LRRTM4: variants seen among roughly 807,000 people sequenced by gnomAD.
LRRTM4 encodes leucine-rich repeat transmembrane neuronal protein 4.
In LRRTM4, 25 loss-of-function variants were observed where a neutral mutation model predicts 47.6. The observed-to-expected ratio is 0.53, with a 90% confidence interval of 0.38 to 0.73. The LOEUF (loss-of-function observed/expected upper bound fraction) is 0.73, where lower values mean the gene tolerates loss of function less well. Among genes scored for constraint, LRRTM4 ranks in the 30% least tolerant of loss-of-function variants. LRRTM4 has a pLI of 0.00. For missense variants in LRRTM4, 638 were observed against 713.4 expected (o/e 0.89, Z 1.20); for synonymous variants, 311 against 269.5 (o/e 1.15, Z -1.51).
chr2:76,795,190 C>T (rs1329792684), intron 3 of LRRTM4, among the ~76,000 whole-genome samples: 18 of 151,654 alleles, frequency 1.2e-4, no homozygotes, highest in South Asian at 4.2e-4. Context: ...AAAAGGTGCC[C>T]GAATCCACAA....
At chr2:76,810,331 C>A (rs1400309603) in intron 3 of LRRTM4, among the ~76,000 whole-genome samples, 1 of 152,084 alleles carries the variant, frequency 6.6e-6, no homozygotes, top group African/African-American at 2.4e-5. Context: ...TCCTCAATAA[C>A]AGATTTTTCT....
At chr2:76,758,006 C>A (rs1407679593) in intron 3 of LRRTM4, among the ~76,000 whole-genome samples, 2 of 152,162 alleles carry the variant, frequency 1.3e-5, no homozygotes, top group South Asian at 4.1e-4. Context: ...GTTTTCCATT[C>A]AAGTTCACTT....
chr2:77,494,975 C>T (rs1245613370), intron 3 of LRRTM4, among the ~76,000 whole-genome samples: 1 of 152,106 alleles, frequency 6.6e-6, no homozygotes, highest in Non-Finnish European at 1.5e-5. Flanking sequence ...GTGATATCAA[C>T]AGTGTGTTTC....
chr2:77,522,315 C>G lies in LRRTM4; in HGVS notation c.-354G>C. 1.9e-6 allele frequency: 1 copy of G among 523,184 alleles called. No homozygotes were observed. Among genetic ancestry groups the G allele is most frequent in the Non-Finnish European group, 3.4e-6 (1 of 293,986 alleles). 32.4% of individuals were successfully genotyped at this position (523,184 alleles called of 1,614,324 possible). A position where few individuals can be genotyped will look rare whatever the true frequency, so the allele number is the denominator to read the frequency against. ...GGCAGCCCTTGTCTAATTCAGAAGGCTTTCCAGAGACTGATGATGCTCAGA... is the reference window on the plus strand; with the variant it reads ...GGCAGCCCTTGTCTAATTCAGAAGGGTTTCCAGAGACTGATGATGCTCAGA... On this transcript the variant is annotated 5_prime_UTR_variant, in exon 1 of 4. Transcript: ENST00000409884.
intron 3 of LRRTM4, among the ~76,000 whole-genome samples, chr2:77,070,926 T>G (rs754944414): frequency 3.3e-5 from 5 of 152,142 alleles, no homozygotes; most frequent in Non-Finnish European, 5.9e-5. Context: ...CCAAAAGTAT[T>G]TTTTTGAAAT....
intron 3 of LRRTM4, among the ~76,000 whole-genome samples, chr2:77,227,117 G>C (rs1406545686): frequency 6.6e-6 from 1 of 151,970 alleles, no homozygotes; most frequent in Non-Finnish European, 1.5e-5. Flanking sequence ...GTTGCTCCAT[G>C]ACTATGGAGC....
chr2:77,234,608 A>G (rs1196662590), intron 3 of LRRTM4, among the ~76,000 whole-genome samples: 1 of 152,204 alleles, frequency 6.6e-6, no homozygotes, highest in East Asian at 1.9e-4. Flanking sequence ...TGGAATTATT[A>G]GAGCAATGAC....
intron 3 of LRRTM4, among the ~76,000 whole-genome samples, chr2:77,014,794 AGAGT>A (rs1472405709): frequency 1.3e-5 from 2 of 152,154 alleles, no homozygotes; most frequent in African/African-American, 4.8e-5. Context: ...CATGGGGGAC[AGAGT>A]GAGACTCTGT....
chr2:77,156,326 C>A (rs1375383051), intron 3 of LRRTM4, among the ~76,000 whole-genome samples: 10 of 146,552 alleles, frequency 6.8e-5, no homozygotes, highest in South Asian at 4.3e-4. Context: ...AGACACAATA[C>A]AAAAAAAAAC....
rs1676474248 is a variant in LRRTM4 at position 77,280,281 on chromosome 2, C to A, written c.1551+238037G>T. On this transcript the variant is annotated intron_variant, in intron 3 of 3. Coordinates refer to ENST00000409884, the MANE Select transcript of LRRTM4 (RefSeq NM_001134745.3). ...AAATCAGATTGTCCCCTAGAGCCTC[C>A]CGAAGAAATGTGGACTTACTCACAA... 2.0e-5 allele frequency among the ~76,000 whole-genome samples: 3 copies of A among 151,894 alleles called. 1 individual carries two copies. In the South Asian group the frequency reaches 6.2e-4, roughly 31 times the overall value.
chr2:77,254,036 T>A (rs1675695159), intron 3 of LRRTM4, among the ~76,000 whole-genome samples: 1 of 151,982 alleles, frequency 6.6e-6, no homozygotes, highest in African/African-American at 2.4e-5. Flanking sequence ...ATATGTATGT[T>A]TATATATACA....
intron 3 of LRRTM4, among the ~76,000 whole-genome samples, chr2:76,992,786 T>C (rs1382119176): frequency 2.0e-5 from 3 of 148,050 alleles, no homozygotes. Context: ...CTAAAATTCA[T>C]ATGGAATAAA....
At chr2:77,414,229 A>G (rs985316808) in intron 3 of LRRTM4, among the ~76,000 whole-genome samples, 25 of 152,112 alleles carry the variant, frequency 1.6e-4, no homozygotes, top group African/African-American at 6.0e-4. Flanking sequence ...ACAAACAGAT[A>G]TTGAAGGCTT....
At chr2:76,853,144 A>G (rs1672047917) in intron 3 of LRRTM4, among the ~76,000 whole-genome samples, 1 of 152,174 alleles carries the variant, frequency 6.6e-6, no homozygotes, top group Admixed American at 6.5e-5. Flanking sequence ...TTTGGTTAGC[A>G]GAGGTTTGAT....
At chr2:77,079,828 T>G (rs2103852289) in intron 3 of LRRTM4, among the ~76,000 whole-genome samples, 1 of 152,222 alleles carries the variant, frequency 6.6e-6, no homozygotes, top group Non-Finnish European at 1.5e-5. Context: ...TTTCTATTCT[T>G]TTACTTTTTT....
chr2:77,374,230 G>A (rs1397381250), intron 3 of LRRTM4, among the ~76,000 whole-genome samples: 1 of 151,818 alleles, frequency 6.6e-6, no homozygotes. Flanking sequence ...AGCATGGGAT[G>A]TAATTTGAGA....
chr2:76,781,189 G>T (rs1046188238), intron 3 of LRRTM4, among the ~76,000 whole-genome samples: 34 of 152,366 alleles, frequency 2.2e-4, no homozygotes, highest in African/African-American at 7.0e-4. Context: ...GTCTGCAGAG[G>T]TTACTGCTGT....
At chr2:77,319,806 G>T (rs1016804427) in intron 3 of LRRTM4, among the ~76,000 whole-genome samples, 1 of 152,084 alleles carries the variant, frequency 6.6e-6, no homozygotes. Context: ...ATCAAGATTT[G>T]TTGTCTATTA....
chr2:77,300,521 A>T (rs1677106872), intron 3 of LRRTM4, among the ~76,000 whole-genome samples: 1 of 152,166 alleles, frequency 6.6e-6, no homozygotes, highest in Admixed American at 6.5e-5. Flanking sequence ...TAGAGTTTAT[A>T]ATAAATAGTA....
Sources: allele counts gnomAD v4.1 joint callset (sites outside exome capture counted in the v4.1 genomes callset), GRCh38; gene constraint gnomAD v4.1.1; transcripts MANE v1.5; gene names NCBI Gene and HGNC (gene_info 2026-07-23, HGNC 2026-07-21).